Variants in PWWP2A observed in about 807,000 individuals in gnomAD.
PWWP2A encodes the protein PWWP domain-containing protein 2A.
Under a neutral mutation model 48.5 loss-of-function variants are expected in PWWP2A, and 18 were observed. The ratio of observed to expected loss-of-function variants is 0.37; its 90% CI spans 0.26 to 0.55. The LOEUF is 0.55. Among genes scored for constraint, PWWP2A ranks in the 20% least tolerant of loss-of-function variants. PWWP2A has a pLI of 0.81. For synonymous variants in PWWP2A, 396 were observed against 387.7 expected, an observed-to-expected ratio of 1.02 and a Z score of -0.25; for missense variants, 867 against 976.4, an observed-to-expected ratio of 0.89 and a Z score of 1.49.
intron 1 of PWWP2A, among the ~76,000 whole-genome samples, chr5:160,112,451 A>C (rs973731423): frequency 6.6e-6 from 1 of 152,002 alleles, no homozygotes; most frequent in Non-Finnish European, 1.5e-5. Context: ...TGAACTCCTG[A>C]CCTTACGTGA....
intron 1 of PWWP2A, among the ~76,000 whole-genome samples, chr5:160,095,075 A>AAAAAAAAAAAAAAAAC (rs1755489526): frequency 6.8e-6 from 1 of 147,480 alleles, no homozygotes; most frequent in Non-Finnish European, 1.5e-5. Context: ...AAAAAAAAAA[A>AAAAAAAAAAAAAAAAC]AAGACTACTT....
rs749918318 is a variant in PWWP2A, at chr5:160,093,917, G to A, written c.733C>T (p.Pro245Ser). 6.2e-7 allele frequency: 1 copy of A among 1,614,048 alleles called. No individual in the cohort carries two copies. Among genetic ancestry groups the A allele is most frequent in the Non-Finnish European group, 8.5e-7 (1 of 1,179,896 alleles). ...ANGAVPDDPS[P>S]VPHPELSLAE... ...AAGCTCAGCTCGGGATGCGGGACAG[G>A]AGAAGGGTCATCGGGAACAGCACCA... The change falls in exon 2 of 2, where the codon CCT becomes TCT. Residue 245 changes from proline (P) to serine (S), a missense_variant. By Grantham distance (74) the Pro-to-Ser change is moderately conservative (BLOSUM62 -1). This residue lies in a region of PWWP2A where 385 missense variants were observed against 396.9 expected (regional missense o/e 0.97). Coordinates refer to ENST00000307063, the MANE Select transcript of PWWP2A (RefSeq NM_001130864.2). The surrounding 1 kb of genome is among the most constrained non-coding windows in gnomAD (Gnocchi z 5.8).
At chr5:160,109,297 C>T (rs952303772) in intron 1 of PWWP2A, among the ~76,000 whole-genome samples, 1 of 151,566 alleles carries the variant, frequency 6.6e-6, no homozygotes, top group Non-Finnish European at 1.5e-5. Context: ...CAAGCATTTT[C>T]GAGCATAAAC....
At chr5:160,079,143 T>G (rs1366841602) in intron 3 of PWWP2A, among the ~76,000 whole-genome samples, 2 of 151,978 alleles carry the variant, frequency 1.3e-5, no homozygotes, top group African/African-American at 4.8e-5. Context: ...AGTGGAATAA[T>G]AACAAACACA....
At chr5:160,080,564 T>C (rs1754156200) in intron 3 of PWWP2A, 2 of 1,227,050 alleles carry the variant, frequency 1.6e-6, no homozygotes, top group Non-Finnish European at 2.1e-6. Context: ...ATGAATTCTT[T>C]TAAGTCTAGC....
At chr5:160,115,136 T>TAAA (rs1561708134) in intron 1 of PWWP2A, among the ~76,000 whole-genome samples, 13 of 45,722 alleles carry the variant, frequency 2.8e-4, no homozygotes, top group African/African-American at 1.4e-3. Context: ...GGAGACTCTG[T>TAAA]CAAAAAAAAA....
At chr5:160,071,143 G>A (rs1322825110), downstream of PWWP2A, among the ~76,000 whole-genome samples, 1 of 152,156 alleles carries the variant, frequency 6.6e-6, no homozygotes, top group Non-Finnish European at 1.5e-5. Context: ...GAGCCAAGAT[G>A]GCACCACTGC....
chr5:160,065,286 G>A (rs1266259309), intron 4 of PWWP2A: 6 of 717,688 alleles, frequency 8.4e-6, no homozygotes, highest in Non-Finnish European at 1.2e-5. Flanking sequence ...GGTGGTGTCT[G>A]TGCAGCTGGT....
intron 4 of PWWP2A, among the ~76,000 whole-genome samples, chr5:160,064,029 C>T (rs1221238077): frequency 6.6e-5 from 9 of 137,402 alleles, no homozygotes; most frequent in East Asian, 4.5e-4. Flanking sequence ...AGTGCAGTGG[C>T]GCAATCTCAG....
chr5:160,105,255 A>G (rs967941543), intron 1 of PWWP2A, among the ~76,000 whole-genome samples: 1 of 150,392 alleles, frequency 6.6e-6, no homozygotes, highest in South Asian at 2.1e-4. Context: ...AAAAAAAAAA[A>G]AAAAAAAAAC....
rs368532863 is a variant in PWWP2A at position 160,093,226 on chromosome 5, C to T, written c.1424G>A (p.Arg475His). The T allele has an allele frequency of 8.7e-6, 14 of 1,613,846 alleles. No individual in the cohort carries two copies. Among genetic ancestry groups the T allele is most frequent in the African/African-American group, 2.7e-5 (2 of 74,918 alleles). ...PSSGSLPPRV[R>H]LKPQRYRNEE... is the part of the protein sequence containing the mutation. ...ATTCCTGTACCTCTGTGGTTTTAAA[C>T]GAACCCGGGGTGGAAGGGAACCTGA... The change falls in exon 2 of 2, where the codon CGT becomes CAT. Residue 475 changes from arginine to histidine, a missense_variant. By Grantham distance (29) the Arg-to-His change is conservative (BLOSUM62 0). Transcript: ENST00000307063. The surrounding 1 kb of genome is among the most constrained non-coding windows in gnomAD (Gnocchi z 5.8).
intron 1 of PWWP2A, among the ~76,000 whole-genome samples, chr5:160,105,124 G>A (rs1377975664): frequency 6.6e-6 from 1 of 150,606 alleles, no homozygotes; most frequent in Non-Finnish European, 1.5e-5. Flanking sequence ...TGTAGTCCCT[G>A]CTATTCAGAA....
chr5:160,077,102 T>TA lies in PWWP2A; in HGVS notation c.*1052dup, dbSNP rs1170061162. ...AAGACAAGAAAAAAACTACAGTCTC[T>TA]ATTAGTAAGAATTCATGCTCCATGC... is the stretch of plus-strand genomic sequence containing the variant. On this transcript the variant is annotated 3_prime_UTR_variant, in exon 4 of 4. Transcript: ENST00000456329. The surrounding 1 kb of genome is among the most constrained non-coding windows in gnomAD (Gnocchi z 4.2). 10 of 152,156 alleles carry TA rather than the reference T, an allele frequency of 6.6e-5. No homozygotes were observed. Among genetic ancestry groups the TA allele is most frequent in the Admixed American group, 2.6e-4 (4 of 15,272 alleles). The allele number at this position is 152,156 out of a possible 1,614,324, so 9.4% of individuals were successfully genotyped here.
intron 1 of PWWP2A, among the ~76,000 whole-genome samples, chr5:160,100,125 A>AC (rs1365478668): frequency 6.7e-6 from 1 of 150,194 alleles, no homozygotes; most frequent in Non-Finnish European, 1.5e-5. Flanking sequence ...ACATGGTGAA[A>AC]CCCCATCTCT....
chr5:160,108,869 G>A (rs1757159439), intron 1 of PWWP2A, among the ~76,000 whole-genome samples: 1 of 152,112 alleles, frequency 6.6e-6, no homozygotes, highest in Non-Finnish European at 1.5e-5. Flanking sequence ...TTAAGAGATG[G>A]GGTCTCAGTA....
chr5:160,063,383 T>C (rs1753491627), intron 5 of PWWP2A, among the ~76,000 whole-genome samples: 2 of 152,156 alleles, frequency 1.3e-5, no homozygotes, highest in African/African-American at 4.8e-5. Context: ...ACCTAGCTAA[T>C]TTTTAAATTT....
At chr5:160,108,641 G>A in intron 1 of PWWP2A, 7 of 1,219,760 alleles carry the variant, frequency 5.7e-6, no homozygotes, top group Non-Finnish European at 7.5e-6. Flanking sequence ...TCATTGTCTT[G>A]GTTTATATTT....
At chr5:160,044,885 A>G in the PWWP2A span, among the ~76,000 whole-genome samples, 1 of 152,122 alleles carries the variant, frequency 6.6e-6, no homozygotes, top group Non-Finnish European at 1.5e-5. Context: ...TTTTTATTTA[A>G]TTAATTTGGT....
At chr5:160,072,988 G>C (rs1753776516), downstream of PWWP2A, among the ~76,000 whole-genome samples, 1 of 102,652 alleles carries the variant, frequency 9.7e-6, no homozygotes, top group East Asian at 3.3e-4. Context: ...TGGGCAACAA[G>C]AGCGAGGCTC....
Sources: gnomAD v4.1 joint callset for allele counts (sites outside exome capture counted in the v4.1 genomes callset) on GRCh38, gnomAD v4.1.1 for gene constraint, gnomAD v4.1.1 regional missense constraint, Gnocchi (gnomAD v3.1) non-coding constraint, MANE v1.5 for transcripts, NCBI Gene and HGNC (gene_info 2026-07-23, HGNC 2026-07-21) for gene names.